Variants in DENND5B observed in about 807,000 individuals in gnomAD.
The protein encoded by DENND5B is DENN domain containing 5B, also known as DENN domain-containing protein 5B.
In DENND5B, 34 loss-of-function variants were observed where a neutral mutation model predicts 140.6. The ratio of observed to expected loss-of-function variants is 0.24; its 90% CI spans 0.18 to 0.32. DENND5B has a LOEUF of 0.32. DENND5B is among the 10% of genes least tolerant of loss of function. The probability of loss-of-function intolerance (pLI) is 1.00; values close to 1 mark genes in which losing one functional copy is unlikely to be tolerated. For missense variants in DENND5B, 1,142 were observed against 1,560.2 expected, an observed-to-expected ratio of 0.73 and a Z score of 4.52; for synonymous variants, 551 against 562.1, an observed-to-expected ratio of 0.98 and a Z score of 0.28.
chr12:31,475,857 C>CT (rs531332527), intron 3 of DENND5B, among the ~76,000 whole-genome samples: 5 of 152,172 alleles, frequency 3.3e-5, no homozygotes, highest in Non-Finnish European at 7.3e-5. Context: ...GGTGCGGTGG[C>CT]TTACACCTGT....
chr12:31,528,445 C>T (rs1948163182), intron 1 of DENND5B, among the ~76,000 whole-genome samples: 1 of 151,924 alleles, frequency 6.6e-6, no homozygotes, highest in African/African-American at 2.4e-5. Flanking sequence ...TATTTTTTTT[C>T]CAAATAATGT....
intron 14 of DENND5B, among the ~76,000 whole-genome samples, chr12:31,403,213 C>A (rs557060184): frequency 6.6e-6 from 1 of 152,222 alleles, no homozygotes; most frequent in South Asian, 2.1e-4. Context: ...CTGGACATAT[C>A]GTGAAGTCTA....
chr12:31,547,673 G>A (rs1250451329), intron 1 of DENND5B, among the ~76,000 whole-genome samples: 1 of 152,032 alleles, frequency 6.6e-6, no homozygotes, highest in Non-Finnish European at 1.5e-5. Flanking sequence ...GGGATTACAG[G>A]CGTAAACCAC....
intron 3 of DENND5B, among the ~76,000 whole-genome samples, chr12:31,471,194 C>T (rs11051440): frequency 0.35 from 53,948 of 152,046 alleles, 11,028 homozygotes; most frequent in East Asian, 0.57. Context: ...ATGTGGAAAC[C>T]GCCTGGGCAT....
chr12:31,450,274 TG>T (rs1275902758), intron 5 of DENND5B, among the ~76,000 whole-genome samples: 1 of 152,196 alleles, frequency 6.6e-6, no homozygotes, highest in Non-Finnish European at 1.5e-5. Flanking sequence ...CTGTCTGATG[TG>T]GGGAAAAACA....
chr12:31,583,085 A>G (rs1172666034), intron 1 of DENND5B, among the ~76,000 whole-genome samples: 1 of 151,900 alleles, frequency 6.6e-6, no homozygotes, highest in Admixed American at 6.5e-5. Context: ...CAAGGTCAGG[A>G]GTTTTAGATA....
At chr12:31,418,972 C>T (rs1344907756) in intron 11 of DENND5B, among the ~76,000 whole-genome samples, 1 of 152,074 alleles carries the variant, frequency 6.6e-6, no homozygotes, top group African/African-American at 2.4e-5. Context: ...GTTTGTGGTA[C>T]TCTATTATGG....
chr12:31,489,345 C>T (rs1946432389), intron 2 of DENND5B, among the ~76,000 whole-genome samples: 1 of 146,396 alleles, frequency 6.8e-6, no homozygotes, highest in Non-Finnish European at 1.5e-5. Flanking sequence ...TGCATTAGAT[C>T]TTGGTAACTC....
At chr12:31,448,050 CA>C (rs147758978) in intron 5 of DENND5B, among the ~76,000 whole-genome samples, 11,943 of 152,126 alleles carry the variant, frequency 0.079, 671 homozygotes, top group Non-Finnish European at 0.12. Flanking sequence ...CGAAAGATGG[CA>C]GATAAGTTGC....
chr12:31,459,776 C>T (rs986914460), intron 4 of DENND5B, among the ~76,000 whole-genome samples: 3 of 152,068 alleles, frequency 2.0e-5, no homozygotes, highest in African/African-American at 7.2e-5. Flanking sequence ...CCCTAGTTTG[C>T]TGCAACATGT....
chr12:31,536,031 G>A (rs1411051258), intron 1 of DENND5B, among the ~76,000 whole-genome samples: 3 of 152,106 alleles, frequency 2.0e-5, no homozygotes, highest in South Asian at 2.1e-4. Flanking sequence ...GTTTAGAAGT[G>A]TGTAGCAGCT....
At chr12:31,446,055 T>C (rs1001216476) in intron 6 of DENND5B, among the ~76,000 whole-genome samples, 3 of 152,034 alleles carry the variant, frequency 2.0e-5, no homozygotes, top group Non-Finnish European at 2.9e-5. Flanking sequence ...ATGACTGACA[T>C]AGTAAATACT....
intron 1 of DENND5B, among the ~76,000 whole-genome samples, chr12:31,578,167 T>C (rs1950089477): frequency 6.6e-6 from 1 of 151,250 alleles, no homozygotes; most frequent in Non-Finnish European, 1.5e-5. Flanking sequence ...ACCCTAACAT[T>C]ATTAACTCCA....
chr12:31,550,033 TA>T (rs1555172042), intron 1 of DENND5B, among the ~76,000 whole-genome samples: 1 of 151,960 alleles, frequency 6.6e-6, no homozygotes, highest in Non-Finnish European at 1.5e-5. Context: ...TGAGGAATCA[TA>T]AAAGGCCATT....
chr12:31,537,452 C>A (rs1948543062), intron 1 of DENND5B, among the ~76,000 whole-genome samples: 1 of 151,724 alleles, frequency 6.6e-6, no homozygotes, highest in African/African-American at 2.4e-5. Context: ...AACCTCTAAT[C>A]AAAAAACATA....
At chr12:31,460,491 A>G (rs1026666614) in intron 3 of DENND5B, 110 bp from the exon 4 acceptor site, 9 of 963,216 alleles carry the variant, frequency 9.3e-6, no homozygotes, top group Admixed American at 8.4e-5. Context: ...TTAAAAGTAA[A>G]TATTTCTTTA....
chr12:31,469,913 G>A (rs1345426903), intron 3 of DENND5B, among the ~76,000 whole-genome samples: 1 of 151,998 alleles, frequency 6.6e-6, no homozygotes, highest in Non-Finnish European at 1.5e-5. Context: ...ATCAGAAGCA[G>A]GTGCTAGCAC....
chr12:31,418,997 G>T (rs1942898211), intron 11 of DENND5B, among the ~76,000 whole-genome samples: 1 of 152,122 alleles, frequency 6.6e-6, no homozygotes, highest in African/African-American at 2.4e-5. Context: ...CCTAGGAAAT[G>T]AATGCAGTAA....
intron 1 of DENND5B, among the ~76,000 whole-genome samples, chr12:31,575,770 C>T (rs1190268694): frequency 6.6e-6 from 1 of 151,900 alleles, no homozygotes; most frequent in African/African-American, 2.4e-5. Context: ...CTGGGCAACA[C>T]AGTGTGACCC....
Sources: allele counts gnomAD v4.1 joint callset (sites outside exome capture counted in the v4.1 genomes callset), GRCh38; gene constraint gnomAD v4.1.1; transcripts MANE v1.5; gene names NCBI Gene and HGNC (gene_info 2026-07-23, HGNC 2026-07-21).